CSGALNACT1: variants seen among roughly 807,000 people sequenced by gnomAD.
CSGALNACT1 encodes chondroitin sulfate N-acetylgalactosaminyltransferase 1.
Under a neutral mutation model 51.0 loss-of-function variants are expected in CSGALNACT1, and 52 were observed. The observed-to-expected ratio is 1.02, with a 90% CI of 0.82 to 1.29. The LOEUF (loss-of-function observed/expected upper bound fraction) is 1.29, where lower values mean the gene tolerates loss of function less well. CSGALNACT1 is among the 50% of genes most tolerant of loss of function. CSGALNACT1 has a pLI of 0.00. For synonymous variants in CSGALNACT1, 341 were observed against 254.4 expected, an observed-to-expected ratio of 1.34 and a Z score of -3.24; for missense variants, 935 against 679.2, an observed-to-expected ratio of 1.38 and a Z score of -4.19.
At chr8:19,706,375 A>G (rs2062164720) in intron 1 of CSGALNACT1, among the ~76,000 whole-genome samples, 1 of 152,218 alleles carries the variant, frequency 6.6e-6, no homozygotes, top group Non-Finnish European at 1.5e-5. Flanking sequence ...GTTACTTCCT[A>G]AAAGGAAAAC....
intron 6 of CSGALNACT1, among the ~76,000 whole-genome samples, chr8:19,422,114 T>C (rs1043926669): frequency 6.6e-6 from 1 of 152,216 alleles, no homozygotes; most frequent in Non-Finnish European, 1.5e-5. Context: ...CAAATTCCCC[T>C]TTACACACTA....
At position 19,518,549 on chromosome 8, in the gene CSGALNACT1, C is replaced by T. The variant is rs1341391611; in HGVS notation, c.-296-12419G>A. Among the ~76,000 whole-genome samples, 4 of 152,314 alleles carry T rather than the reference C, an allele frequency of 2.6e-5. No individual in the cohort carries two copies. In the East Asian group the frequency reaches 7.7e-4, roughly 29 times the overall value. ...TCAGAGACTGCCTCCTCAAACCAGA[C>T]TATAAAATCCTGTGCAGTCTCTGCC... On this transcript the variant is annotated intron_variant, in intron 3 of 9. Coordinates refer to ENST00000454498, the Ensembl canonical transcript of CSGALNACT1.
At chr8:19,575,536 T>C (rs1031453136) in intron 3 of CSGALNACT1, among the ~76,000 whole-genome samples, 1 of 152,230 alleles carries the variant, frequency 6.6e-6, no homozygotes, top group Non-Finnish European at 1.5e-5. Flanking sequence ...AAAATAATCC[T>C]GCTCCTCCAT....
At chr8:19,571,500 G>A (rs2043025760) in intron 3 of CSGALNACT1, among the ~76,000 whole-genome samples, 1 of 151,400 alleles carries the variant, frequency 6.6e-6, no homozygotes, top group Non-Finnish European at 1.5e-5. Flanking sequence ...ACCAGGGAAA[G>A]AGTCGCTGTC....
intron 1 of CSGALNACT1, among the ~76,000 whole-genome samples, chr8:19,641,162 A>ACCCTCTCTCT (rs1394079117): frequency 8.0e-6 from 1 of 124,768 alleles, no homozygotes; most frequent in East Asian, 2.8e-4. Context: ...TTTTAAACCA[A>ACCCTCTCTCT]CCCTCTCTCT....
chr8:19,420,291 C>A (rs943029382), intron 7 of CSGALNACT1, 49 bp downstream of exon 6: 17 of 1,573,106 alleles, frequency 1.1e-5, no homozygotes, highest in Non-Finnish European at 1.5e-5. Context: ...GACACATGGG[C>A]CCGAGAGGGC....
At chr8:19,619,999 A>T (rs1589077559) in intron 1 of CSGALNACT1, among the ~76,000 whole-genome samples, 1 of 152,120 alleles carries the variant, frequency 6.6e-6, no homozygotes, top group Admixed American at 6.5e-5. Flanking sequence ...ACCCGAAGAG[A>T]TTAACCAGGA....
intron 1 of CSGALNACT1, among the ~76,000 whole-genome samples, chr8:19,723,842 A>G (rs2063256596): frequency 1.3e-5 from 2 of 152,244 alleles, no homozygotes; most frequent in South Asian, 4.1e-4. Context: ...AAATGAAAAT[A>G]TAAACAGTTT....
chr8:19,433,805 T>A (rs988033451), intron 6 of CSGALNACT1, among the ~76,000 whole-genome samples: 2 of 152,202 alleles, frequency 1.3e-5, no homozygotes, highest in African/African-American at 2.4e-5. Flanking sequence ...GCTCTTCAGG[T>A]ATCATTAGTA....
At chr8:19,504,319 G>T (rs111723485) in intron 4 of CSGALNACT1, among the ~76,000 whole-genome samples, 2 of 152,168 alleles carry the variant, frequency 1.3e-5, no homozygotes, top group African/African-American at 4.8e-5. Context: ...CTCATGATCC[G>T]CCTGCCTGGG....
At chr8:19,588,956 T>A (rs2047230883) in intron 3 of CSGALNACT1, among the ~76,000 whole-genome samples, 1 of 151,958 alleles carries the variant, frequency 6.6e-6, no homozygotes. Flanking sequence ...TGTGTGGGGG[T>A]GGGGAAGCAT....
At chr8:19,490,655 A>G (rs2074172911) in intron 4 of CSGALNACT1, among the ~76,000 whole-genome samples, 2 of 152,208 alleles carry the variant, frequency 1.3e-5, no homozygotes, top group Non-Finnish European at 2.9e-5. Context: ...GGACACCTGT[A>G]GTCTCCATCA....
intron 2 of CSGALNACT1, among the ~76,000 whole-genome samples, chr8:19,596,814 ATTTTT>A (rs2049007088): frequency 6.6e-6 from 1 of 152,162 alleles, no homozygotes; most frequent in Admixed American, 6.5e-5. Context: ...TTGACTTTTT[ATTTTT>A]AATTGTAAAA....
chr8:19,460,115 A>C (rs1342563690), intron 4 of CSGALNACT1, among the ~76,000 whole-genome samples: 2 of 151,318 alleles, frequency 1.3e-5, no homozygotes, highest in African/African-American at 4.9e-5. Context: ...ACACATACAC[A>C]CACACACATT....
chr8:19,533,357 A>C lies in CSGALNACT1; in HGVS notation c.-296-27227T>G, dbSNP rs1159190460. Among the ~76,000 whole-genome samples the C allele has an allele frequency of 2.0e-5, 3 of 152,132 alleles. No homozygotes were observed. In the South Asian group the frequency reaches 6.2e-4, roughly 32 times the overall value. On this transcript the variant is annotated intron_variant, in intron 3 of 9. Transcript: ENST00000454498. ...GGCTGGTCTCAAACTCCTGGCCTCA[A>C]GTGATCCTCCTGCCCTGGCCTCCCA...
intron 3 of CSGALNACT1, among the ~76,000 whole-genome samples, chr8:19,513,432 C>CTATATATATATATA (rs1464867601): frequency 6.7e-4 from 48 of 71,890 alleles, no homozygotes; most frequent in Non-Finnish European, 1.0e-3. Flanking sequence ...CTCTCTCTCT[C>CTATATATATATATA]TCTCTATATA....
At chr8:19,640,194 C>A (rs747539861) in intron 1 of CSGALNACT1, among the ~76,000 whole-genome samples, 11 of 152,208 alleles carry the variant, frequency 7.2e-5, no homozygotes, top group Non-Finnish European at 1.6e-4. Context: ...CCCATCTCAA[C>A]CTCTAGCACT....
At chr8:19,485,119 C>A (rs1168017534) in intron 4 of CSGALNACT1, among the ~76,000 whole-genome samples, 1 of 152,170 alleles carries the variant, frequency 6.6e-6, no homozygotes. Context: ...ATGATGGCCA[C>A]CATCAGTTAC....
At chr8:19,556,870 G>A (rs543992074) in intron 3 of CSGALNACT1, among the ~76,000 whole-genome samples, 5 of 151,688 alleles carry the variant, frequency 3.3e-5, no homozygotes, top group Admixed American at 1.3e-4. Context: ...AATTGAACCC[G>A]GTGTAGACAT....
Sources: allele counts gnomAD v4.1 joint callset (sites outside exome capture counted in the v4.1 genomes callset), GRCh38; gene constraint gnomAD v4.1.1; transcripts MANE v1.5; gene names NCBI Gene and HGNC (gene_info 2026-07-23, HGNC 2026-07-21).